PARD3: variants seen among roughly 807,000 people sequenced by gnomAD.
PARD3 encodes partitioning defective 3 homolog.
PARD3 carries 75 observed loss-of-function variants against 155.4 expected under a neutral mutation model. That is an observed-to-expected ratio of 0.48 (90% CI 0.40 to 0.58). The LOEUF (loss-of-function observed/expected upper bound fraction) is 0.58, where lower values mean the gene tolerates loss of function less well. Ranked by LOEUF, PARD3 falls within the 20% of genes least tolerant of loss-of-function variation. The pLI is 0.00. For synonymous variants in PARD3, 576 were observed against 610.5 expected, an observed-to-expected ratio of 0.94 and a Z score of 0.83; for missense variants, 1,642 against 1,721.7, an observed-to-expected ratio of 0.95 and a Z score of 0.82.
chr10:34,196,230 C>T (rs138094994), intron 22 of PARD3, among the ~76,000 whole-genome samples: 5 of 152,226 alleles, frequency 3.3e-5, no homozygotes, highest in African/African-American at 1.2e-4. Flanking sequence ...GGTTACGTGG[C>T]GTACAATGAC....
At chr10:34,499,647 T>A (rs947866256) in intron 3 of PARD3, among the ~76,000 whole-genome samples, 8 of 152,228 alleles carry the variant, frequency 5.3e-5, no homozygotes, top group Non-Finnish European at 8.8e-5. Flanking sequence ...ATATGAATAG[T>A]CTTTTATCAT....
intron 22 of PARD3, among the ~76,000 whole-genome samples, chr10:34,146,898 C>G (rs751784919): frequency 1.3e-5 from 2 of 152,118 alleles, no homozygotes; most frequent in African/African-American, 2.4e-5. Flanking sequence ...GTGGCTAAGG[C>G]GTGCAAATCG....
At chr10:34,789,961 G>C (rs1367893553) in intron 1 of PARD3, among the ~76,000 whole-genome samples, 1 of 152,110 alleles carries the variant, frequency 6.6e-6, no homozygotes, top group Admixed American at 6.5e-5. Flanking sequence ...GTGTCTCCAT[G>C]GCAGAATCCT....
intron 22 of PARD3, among the ~76,000 whole-genome samples, chr10:34,241,832 G>A (rs1411602057): frequency 6.6e-6 from 1 of 152,086 alleles, no homozygotes; most frequent in Non-Finnish European, 1.5e-5. Flanking sequence ...GTTCTAAATA[G>A]GCGTCATCAG....
At chr10:34,519,198 G>A (rs1476792433) in intron 2 of PARD3, among the ~76,000 whole-genome samples, 2 of 152,174 alleles carry the variant, frequency 1.3e-5, no homozygotes, top group Admixed American at 6.5e-5. Flanking sequence ...ACTACATGGA[G>A]TGGGAGGATA....
At chr10:34,634,547 A>C (rs1225940328) in intron 2 of PARD3, among the ~76,000 whole-genome samples, 1 of 152,256 alleles carries the variant, frequency 6.6e-6, no homozygotes, top group Non-Finnish European at 1.5e-5. Context: ...CAGGCTTTAA[A>C]TAAACAGAAG....
At chr10:34,189,734 A>G (rs959947840) in intron 22 of PARD3, among the ~76,000 whole-genome samples, 4 of 152,196 alleles carry the variant, frequency 2.6e-5, no homozygotes, top group African/African-American at 9.7e-5. Flanking sequence ...GCTTCACAGA[A>G]CACCACTTTT....
At chr10:34,341,585 T>C (rs760063556) in intron 16 of PARD3, 42 bp downstream of exon 16, 8 of 1,512,368 alleles carry the variant, frequency 5.3e-6, no homozygotes, top group South Asian at 1.2e-5. Context: ...AAAATGGGAC[T>C]GTAATTAATT....
At chr10:34,790,715 C>A (rs528251518) in intron 1 of PARD3, among the ~76,000 whole-genome samples, 1 of 152,246 alleles carries the variant, frequency 6.6e-6, no homozygotes, top group African/African-American at 2.4e-5. Flanking sequence ...AATATTCCAG[C>A]AAATGTATCC....
chr10:34,796,972 G>C (rs57741940), intron 1 of PARD3, among the ~76,000 whole-genome samples: 2 of 152,156 alleles, frequency 1.3e-5, no homozygotes, highest in African/African-American at 4.8e-5. Context: ...ATGGCAGGGC[G>C]AGATTCCATC....
chr10:34,333,519 G>T (rs114520791), intron 18 of PARD3, among the ~76,000 whole-genome samples: 2,215 of 152,090 alleles, frequency 0.015, 47 homozygotes, highest in African/African-American at 0.051. Context: ...GGTGGGCCCT[G>T]GGTTTGTGGA....
Position 34,694,445 on chromosome 10 carries a change from A to G in PARD3, c.222+1873T>C, listed in dbSNP as rs1019752292. 2.6e-5 allele frequency among the ~76,000 whole-genome samples: 4 copies of G among 151,224 alleles called. No homozygotes were observed. The East Asian group carries it at 7.8e-4, about 29-fold the overall frequency. The stretch of plus-strand genomic sequence containing the variant: ...ACGGCACCAAGAAAAATAGCATCAG[A>G]ACATAAGTCGGCAGAAAACTTCTGC... On this transcript the variant is annotated intron_variant, in intron 2 of 24. Transcript: ENST00000374788.
chr10:34,322,990 G>C (rs1200925933), intron 19 of PARD3, among the ~76,000 whole-genome samples: 2 of 152,120 alleles, frequency 1.3e-5, no homozygotes, highest in Non-Finnish European at 2.9e-5. Context: ...GTTAAAATGA[G>C]ACATTCAAAA....
At chr10:34,376,245 A>C (rs947175517) in intron 10 of PARD3, among the ~76,000 whole-genome samples, 2 of 152,228 alleles carry the variant, frequency 1.3e-5, no homozygotes, top group Non-Finnish European at 2.9e-5. Flanking sequence ...CAGCTATGGA[A>C]ATAAAGCCTA....
intron 5 of PARD3, among the ~76,000 whole-genome samples, chr10:34,438,325 T>A (rs1211609458): frequency 1.3e-5 from 2 of 152,204 alleles, no homozygotes; most frequent in Non-Finnish European, 2.9e-5. Context: ...GGTCCTTTAG[T>A]TTATAATCAT....
At chr10:34,357,017 T>C (rs989498610) in intron 14 of PARD3, among the ~76,000 whole-genome samples, 2 of 152,228 alleles carry the variant, frequency 1.3e-5, no homozygotes, top group African/African-American at 4.8e-5. Context: ...TTAAATCATA[T>C]TCATTCACAA....
At chr10:34,342,815 T>C (rs1836975354) in intron 15 of PARD3, among the ~76,000 whole-genome samples, 3 of 152,344 alleles carry the variant, frequency 2.0e-5, no homozygotes, top group South Asian at 4.1e-4. Flanking sequence ...GCATTCCTCA[T>C]TTAACATCAA....
intron 5 of PARD3, among the ~76,000 whole-genome samples, chr10:34,418,906 AACTACAGGC>A (rs1037518222): frequency 2.3e-4 from 35 of 149,110 alleles, no homozygotes; most frequent in Admixed American, 2.2e-3. Context: ...GAATAGCTGG[AACTACAGGC>A]ACATGTCACC....
chr10:34,567,492 G>A (rs911347551), intron 2 of PARD3, among the ~76,000 whole-genome samples: 4 of 152,086 alleles, frequency 2.6e-5, no homozygotes, highest in Non-Finnish European at 5.9e-5. Context: ...TAAACCTTAA[G>A]AAAAGTTGAG....
Sources: gnomAD v4.1 joint callset for allele counts (sites outside exome capture counted in the v4.1 genomes callset) on GRCh38, gnomAD v4.1.1 for gene constraint, MANE v1.5 for transcripts, NCBI Gene and HGNC (gene_info 2026-07-23, HGNC 2026-07-21) for gene names.